Variants in BLOC1S5 observed in about 807,000 individuals in gnomAD.
BLOC1S5 encodes biogenesis of lysosome-related organelles complex 1 subunit 5.
BLOC1S5 carries 27 observed loss-of-function variants against 24.3 expected under a neutral mutation model. The observed-to-expected ratio is 1.11, with a 90% CI of 0.82 to 1.53. The LOEUF (loss-of-function observed/expected upper bound fraction) is 1.53. BLOC1S5 is among the 40% of genes most tolerant of loss of function. The pLI, the probability that BLOC1S5 is intolerant of heterozygous loss-of-function variation, is 0.00. For synonymous variants in BLOC1S5, 84 were observed against 74.5 expected, an observed-to-expected ratio of 1.13 and a Z score of -0.66; for missense variants, 239 against 229.4, an observed-to-expected ratio of 1.04 and a Z score of -0.27.
chr6:8,051,171 T>C (rs1469620433), intron 2 of BLOC1S5, among the ~76,000 whole-genome samples: 1 of 129,748 alleles, frequency 7.7e-6, no homozygotes, highest in Non-Finnish European at 1.6e-5. Context: ...CTGGTGACAG[T>C]GAGATTCCAT....
chr6:8,046,081 C>G (rs1249954459), intron 2 of BLOC1S5, among the ~76,000 whole-genome samples: 1 of 152,138 alleles, frequency 6.6e-6, no homozygotes, highest in Admixed American at 6.6e-5. Context: ...AGAACTCCCA[C>G]GTGTTGTGGG....
At chr6:8,051,943 T>G (rs1045143621) in intron 2 of BLOC1S5, among the ~76,000 whole-genome samples, 10 of 151,694 alleles carry the variant, frequency 6.6e-5, no homozygotes, top group African/African-American at 1.9e-4. Flanking sequence ...GTGTTGTTAT[T>G]ATGTCTGCTG....
chr6:8,023,992 A>C (rs2113523584), intron 4 of BLOC1S5, among the ~76,000 whole-genome samples: 1 of 152,308 alleles, frequency 6.6e-6, no homozygotes, highest in Admixed American at 6.5e-5. Flanking sequence ...TAAGAATGTA[A>C]AGAATTTTTA....
At chr6:8,021,375 G>C (rs1442101234) in intron 4 of BLOC1S5, among the ~76,000 whole-genome samples, 1 of 152,158 alleles carries the variant, frequency 6.6e-6, no homozygotes, top group Non-Finnish European at 1.5e-5. Flanking sequence ...GAGGTGGGTG[G>C]ATCACCTGAG....
chr6:8,052,422 A>G (rs538229399), intron 2 of BLOC1S5, among the ~76,000 whole-genome samples: 1 of 152,344 alleles, frequency 6.6e-6, no homozygotes, highest in East Asian at 1.9e-4. Flanking sequence ...AGGATTCACC[A>G]TTCTAGATGC....
intron 2 of BLOC1S5, among the ~76,000 whole-genome samples, chr6:8,057,823 C>T (rs1474743310): frequency 6.6e-6 from 1 of 152,114 alleles, no homozygotes; most frequent in Non-Finnish European, 1.5e-5. Context: ...TAATTTTAAC[C>T]AACATTTGCT....
chr6:8,049,137 G>A (rs551870353), intron 2 of BLOC1S5, among the ~76,000 whole-genome samples: 5 of 151,476 alleles, frequency 3.3e-5, no homozygotes, highest in African/African-American at 9.7e-5. Context: ...TTGGGAGGCC[G>A]AGATGGGCAG....
At chr6:8,054,189 A>G in intron 2 of BLOC1S5, 1 of 418,350 alleles carries the variant, frequency 2.4e-6, no homozygotes, top group South Asian at 1.8e-5. Context: ...TTGGGATCCA[A>G]TTTGAAACAG....
At chr6:8,060,667 G>A (rs377009054) in intron 2 of BLOC1S5, among the ~76,000 whole-genome samples, 1 of 152,068 alleles carries the variant, frequency 6.6e-6, no homozygotes, top group Non-Finnish European at 1.5e-5. Flanking sequence ...CTGATAATGT[G>A]GTTGCTGAAG....
At chr6:8,057,741 T>G (rs1327723245) in intron 2 of BLOC1S5, among the ~76,000 whole-genome samples, 1 of 152,232 alleles carries the variant, frequency 6.6e-6, no homozygotes, top group African/African-American at 2.4e-5. Flanking sequence ...TTAACCCACA[T>G]TAGAATTAAT....
At chr6:8,044,976 CA>C (rs1259341660) in intron 2 of BLOC1S5, among the ~76,000 whole-genome samples, 2 of 152,202 alleles carry the variant, frequency 1.3e-5, no homozygotes, top group East Asian at 3.8e-4. Flanking sequence ...CAGAAATTTG[CA>C]TAAGTAACAA....
chr6:8,034,198 T>C (rs1403500296), intron 3 of BLOC1S5, among the ~76,000 whole-genome samples: 1 of 152,232 alleles, frequency 6.6e-6, no homozygotes, highest in East Asian at 1.9e-4. Context: ...ATTGCAGCAC[T>C]ATTCACAATA....
At chr6:8,018,542 A>C (rs145707362) in intron 4 of BLOC1S5, among the ~76,000 whole-genome samples, 2 of 152,360 alleles carry the variant, frequency 1.3e-5, no homozygotes, top group Non-Finnish European at 2.9e-5. Flanking sequence ...CAGCCCAATA[A>C]AGAAAAACGG....
intron 3 of BLOC1S5, among the ~76,000 whole-genome samples, chr6:8,037,892 G>A (rs58254286): frequency 0.039 from 5,948 of 152,218 alleles, 368 homozygotes; most frequent in African/African-American, 0.13. Context: ...CAGGCTCTTC[G>A]ATAACCAGTG....
intron 2 of BLOC1S5, among the ~76,000 whole-genome samples, chr6:8,059,557 A>T (rs1300217624): frequency 6.6e-6 from 1 of 152,236 alleles, no homozygotes; most frequent in East Asian, 1.9e-4. Flanking sequence ...CAAAGACCAC[A>T]TTTATTAATT....
At chr6:8,040,262 A>G (rs995020201) in intron 3 of BLOC1S5, among the ~76,000 whole-genome samples, 1 of 152,200 alleles carries the variant, frequency 6.6e-6, no homozygotes, top group Non-Finnish European at 1.5e-5. Flanking sequence ...GGAAGATGAT[A>G]AACATTTATC....
At chr6:8,026,070 T>C (rs79672642) in intron 4 of BLOC1S5, among the ~76,000 whole-genome samples, 5,959 of 152,316 alleles carry the variant, frequency 0.039, 371 homozygotes, top group African/African-American at 0.13. Context: ...ATCTCCAATC[T>C]GGTGGTTATT....
chr6:8,024,399 T>A (rs1763036449), intron 4 of BLOC1S5, among the ~76,000 whole-genome samples: 1 of 151,048 alleles, frequency 6.6e-6, no homozygotes, highest in South Asian at 2.1e-4. Context: ...ATAGGTGTAA[T>A]CCCAGCTACT....
chr6:8,038,993 G>C (rs1763589738), intron 3 of BLOC1S5, among the ~76,000 whole-genome samples: 1 of 152,182 alleles, frequency 6.6e-6, no homozygotes, highest in South Asian at 2.1e-4. Context: ...AAAGGAGAGA[G>C]ACATCTGCAC....
Sources: allele counts gnomAD v4.1 joint callset (sites outside exome capture counted in the v4.1 genomes callset), GRCh38; gene constraint gnomAD v4.1.1; transcripts MANE v1.5; gene names NCBI Gene and HGNC (gene_info 2026-07-23, HGNC 2026-07-21).